CCDC196: variants seen among roughly 807,000 people sequenced by gnomAD.
CCDC196 encodes coiled-coil domain containing 196.
intron 5 of CCDC196, 34 bp downstream of exon 5, chr14:66,490,853 T>C (rs1205455967): frequency 2.5e-6 from 1 of 402,494 alleles, no homozygotes; most frequent in Non-Finnish European, 4.4e-6. Flanking sequence ...AATTTCAAGA[T>C]TGTCGATGTC....
intron 8 of CCDC196, chr14:66,494,056 AC>A (rs2057604970): frequency 6.6e-6 from 1 of 152,340 alleles, no homozygotes; most frequent in African/African-American, 2.4e-5. Flanking sequence ...TGCATGTAAA[AC>A]ATTGAATCAA....
chr14:66,487,181 A>C (rs1399935419), intron 2 of CCDC196, among the ~76,000 whole-genome samples: 1 of 152,134 alleles, frequency 6.6e-6, no homozygotes, highest in Non-Finnish European at 1.5e-5. Flanking sequence ...AAGCAGTGGA[A>C]TGGCAGTATT....
chr14:66,496,294 A>C (rs1396634133), intron 8 of CCDC196: 1 of 456,092 alleles, frequency 2.2e-6, no homozygotes, highest in Admixed American at 2.3e-5. Context: ...TCCTCCTCCC[A>C]CTGTCCGATG....
chr14:66,494,173 T>C (rs774274397), intron 8 of CCDC196, among the ~76,000 whole-genome samples: 2 of 152,208 alleles, frequency 1.3e-5, no homozygotes, highest in Non-Finnish European at 2.9e-5. Flanking sequence ...TTACCACAAA[T>C]TAATGTAGCC....
chr14:66,493,740 G>A lies in CCDC196; in HGVS notation c.715+1546G>A, dbSNP rs530188882. On this transcript the variant is annotated intron_variant, in intron 8 of 9. Transcript: ENST00000636229. ...GACTATCCTTCAGGCAGTATTCTAT[G>A]CATATTTTTCTTTCAATTTATGTTC... 2.0e-5 allele frequency: 3 copies of A among 152,218 alleles called. No homozygotes were observed. The East Asian group carries it at 5.8e-4, about 29-fold the overall frequency. 9.4% of individuals were successfully genotyped at this position (152,218 alleles called of 1,614,324 possible).
chr14:66,494,748 A>C (rs2057622611), intron 8 of CCDC196: 1 of 152,176 alleles, frequency 6.6e-6, no homozygotes. Context: ...AATTTTGGCC[A>C]GGCATGGTGG....
intron 3 of CCDC196, 142 bp from the exon 4 acceptor site, chr14:66,488,845 T>C (rs1444796179): frequency 9.9e-6 from 4 of 405,808 alleles, no homozygotes; most frequent in African/African-American, 2.1e-5. Flanking sequence ...GATTTGGGAT[T>C]AGACCCATTC....
chr14:66,487,514 G>A (rs958457514), intron 2 of CCDC196, among the ~76,000 whole-genome samples: 1 of 152,124 alleles, frequency 6.6e-6, no homozygotes, highest in Admixed American at 6.6e-5. Flanking sequence ...AAAACACAAA[G>A]TCTTAGAATT....
chr14:66,487,549 G>GA (rs2139574809), intron 2 of CCDC196, among the ~76,000 whole-genome samples: 1 of 152,198 alleles, frequency 6.6e-6, no homozygotes, highest in South Asian at 2.1e-4. Context: ...GAACTGGGGA[G>GA]AAAAAAGTAC....
At chr14:66,497,708 G>A (rs889675199) in intron 8 of CCDC196, among the ~76,000 whole-genome samples, 2 of 151,496 alleles carry the variant, frequency 1.3e-5, no homozygotes, top group African/African-American at 2.4e-5. Flanking sequence ...CTCACCCTAC[G>A]CCTACCATTC....
chr14:66,488,864 C>T (rs2057470553), intron 3 of CCDC196, 123 bp from the exon 4 acceptor site: 2 of 408,328 alleles, frequency 4.9e-6, no homozygotes, highest in East Asian at 3.6e-5. Context: ...TCATTGCCTT[C>T]CTCTGTGGTT....
intron 8 of CCDC196, chr14:66,494,498 C>G (rs1457237528): frequency 6.6e-6 from 1 of 152,068 alleles, no homozygotes; most frequent in Non-Finnish European, 1.5e-5. Context: ...TTGTGTATCA[C>G]CTGGACTATT....
At chr14:66,494,472 G>A (rs914056177) in intron 8 of CCDC196, among the ~76,000 whole-genome samples, 1 of 152,096 alleles carries the variant, frequency 6.6e-6, no homozygotes, top group African/African-American at 2.4e-5. Context: ...GGTAGGTGTT[G>A]TAGTATTTTC....
chr14:66,495,859 C>T lies in CCDC196; in HGVS notation c.716-2250C>T, dbSNP rs182886146. On this transcript the variant is annotated intron_variant, in intron 8 of 9. Transcript: ENST00000636229. The stretch of plus-strand genomic sequence containing the variant: ...TTTTGGCACCAAGGTGTATTACTGG[C>T]AGCCTTGATTAGACCATGTTAAACT... The T allele has an allele frequency of 1.0e-3, 159 of 156,708 alleles. 2 individuals carry two copies. The highest frequency in any genetic ancestry group is 1.8e-4 in the Non-Finnish European group (13 of 70,686). The allele number at this position is 156,708 out of a possible 1,614,324, so 9.7% of individuals were successfully genotyped here. A position where few individuals can be genotyped will look rare whatever the true frequency, so the allele number is the denominator to read the frequency against.
intron 4 of CCDC196, among the ~76,000 whole-genome samples, chr14:66,490,325 A>G (rs2057507297): frequency 6.6e-6 from 1 of 152,248 alleles, no homozygotes; most frequent in South Asian, 2.1e-4. Context: ...ATCTGGTTCA[A>G]ATTCCAACTC....
chr14:66,489,943 T>G (rs1378154783), intron 4 of CCDC196, among the ~76,000 whole-genome samples: 1 of 152,158 alleles, frequency 6.6e-6, no homozygotes, highest in Non-Finnish European at 1.5e-5. Context: ...TTACAGACTA[T>G]GCAACTAGAA....
chr14:66,491,591 T>C (rs2057537403), intron 6 of CCDC196, 35 bp from the exon 7 acceptor site: 2 of 413,756 alleles, frequency 4.8e-6, no homozygotes, highest in Non-Finnish European at 8.8e-6. Flanking sequence ...TGATCTCAAT[T>C]TACTTTGTCA....
intron 4 of CCDC196, among the ~76,000 whole-genome samples, chr14:66,490,469 T>C (rs906865590): frequency 1.3e-5 from 2 of 152,118 alleles, no homozygotes; most frequent in Non-Finnish European, 2.9e-5. Context: ...TACAGTACAG[T>C]AAGGAAAATA....
rs1458864515 is a variant in CCDC196, at chr14:66,491,056, G to C, written c.465G>C (p.Glu155Asp). ...CCCCCTCATCACCTAGGAAGACTGA[G>C]AGTGAACTGGAGAAATCATTTGCAG... ...PKSPSSPRKTESELEKSFAEK... is the reference protein window; with the variant it reads ...PKSPSSPRKTDSELEKSFAEK... Residue 155 changes from glutamate to aspartate, a missense_variant, in exon 6 of 10, where the codon GAG becomes GAC. Physicochemically the swap from Glu to Asp is conservative, Grantham distance 45. Transcript: ENST00000636229. 1 of 413,394 alleles carries C rather than the reference G, an allele frequency of 2.4e-6. No individual in the cohort carries two copies. The highest frequency in any genetic ancestry group is 4.4e-6 in the Non-Finnish European group (1 of 226,174). The allele number at this position is 413,394 out of a possible 1,614,324, so 25.6% of individuals were successfully genotyped here.
Sources: gnomAD v4.1 joint callset for allele counts (sites outside exome capture counted in the v4.1 genomes callset) on GRCh38, gnomAD v4.1.1 for gene constraint, MANE v1.5 for transcripts, NCBI Gene and HGNC (gene_info 2026-07-23, HGNC 2026-07-21) for gene names.